Variants in CFAP20DC observed in about 807,000 individuals in gnomAD.
CFAP20DC encodes protein CFAP20DC.
A neutral mutation model predicts 101.7 loss-of-function variants in CFAP20DC; 84 were observed. The observed-to-expected ratio is 0.83, with a 90% CI of 0.69 to 0.99. CFAP20DC has a LOEUF of 0.99. Among genes scored for constraint, CFAP20DC ranks in the 50% least tolerant of loss-of-function variants. The pLI, the probability that CFAP20DC is intolerant of heterozygous loss-of-function variation, is 0.00. For synonymous variants in CFAP20DC, 359 were observed against 351.2 expected (o/e 1.02, Z -0.25); for missense variants, 1,007 against 970.3 (o/e 1.04, Z -0.50).
At chr3:58,939,157 T>C (rs1194706295) in intron 4 of CFAP20DC, among the ~76,000 whole-genome samples, 4 of 152,222 alleles carry the variant, frequency 2.6e-5, no homozygotes, top group Non-Finnish European at 4.4e-5. Flanking sequence ...TGTCTCATTA[T>C]ACAGTAGTAT....
At chr3:58,730,946 T>C (rs1202067060) in intron 3 of CFAP20DC, among the ~76,000 whole-genome samples, 3 of 152,186 alleles carry the variant, frequency 2.0e-5, no homozygotes, top group Non-Finnish European at 4.4e-5. Context: ...CGGATGCCTC[T>C]GTGGTCAAGA....
intron 15 of CFAP20DC, among the ~76,000 whole-genome samples, chr3:58,780,662 G>A (rs939754687): frequency 2.6e-5 from 4 of 152,028 alleles, no homozygotes; most frequent in Admixed American, 6.5e-5. Flanking sequence ...ACACAGAACA[G>A]ATTTTAAGAT....
At chr3:58,791,006 G>C (rs571349614) in intron 15 of CFAP20DC, among the ~76,000 whole-genome samples, 2 of 152,106 alleles carry the variant, frequency 1.3e-5, no homozygotes, top group African/African-American at 2.4e-5. Flanking sequence ...CTATAGAGAA[G>C]CCTACATCAG....
intron 15 of CFAP20DC, among the ~76,000 whole-genome samples, chr3:58,803,191 G>A (rs1231813917): frequency 6.6e-6 from 1 of 152,132 alleles, no homozygotes; most frequent in African/African-American, 2.4e-5. Flanking sequence ...TCACCATCAC[G>A]CTTTCCTCTC....
intron 5 of CFAP20DC, among the ~76,000 whole-genome samples, chr3:58,916,377 C>CT (rs916898590): frequency 3.5e-4 from 54 of 152,122 alleles, no homozygotes; most frequent in East Asian, 1.5e-3. Context: ...TTCAAAAACT[C>CT]TGAGTCCTAA....
chr3:58,988,033 T>C (rs2092809911), intron 4 of CFAP20DC, among the ~76,000 whole-genome samples: 1 of 152,056 alleles, frequency 6.6e-6, no homozygotes, highest in African/African-American at 2.4e-5. Flanking sequence ...AATGAATGTA[T>C]GTGTCTACAA....
At chr3:58,948,642 C>G (rs886538240) in intron 4 of CFAP20DC, among the ~76,000 whole-genome samples, 3 of 152,196 alleles carry the variant, frequency 2.0e-5, no homozygotes, top group Non-Finnish European at 4.4e-5. Flanking sequence ...ATGAAGCCCA[C>G]TTGATCATGG....
downstream of CFAP20DC, chr3:58,737,014 A>G (rs2067772013): frequency 3.3e-6 from 1 of 303,208 alleles, no homozygotes; most frequent in African/African-American, 2.2e-5. This position sits in a 1 kb window ranked among gnomAD's most constrained non-coding sequence, Gnocchi z 4.1. Flanking sequence ...ATGATGAATG[A>G]ACTTTCATTT....
intron 12 of CFAP20DC, among the ~76,000 whole-genome samples, chr3:58,850,634 A>G (rs1261783313): frequency 6.6e-6 from 1 of 151,850 alleles, no homozygotes; most frequent in Admixed American, 6.6e-5. Context: ...CCAACCAACC[A>G]ACCAAACAAA....
In CFAP20DC at chr3:58,831,879, C is replaced by G; in HGVS notation, c.1982G>C (p.Trp661Ser). The G allele has an allele frequency of 6.2e-7, 1 of 1,613,892 alleles. No individual in the cohort carries two copies. The highest frequency in any genetic ancestry group is 8.5e-7 in the Non-Finnish European group (1 of 1,179,880). Residue 661 changes from tryptophan to serine, a missense_variant, in exon 14 of 17, where the codon TGG becomes TCG. Physicochemically the swap from Trp to Ser is radical, Grantham distance 177 (BLOSUM62 -3). Transcript: ENST00000482387. ...CATCTGGCTTGGCTGATAGTTTCGC[C>G]AGTCATATTCCTGACCAAGAGAGAG... ...SSIPEASEYD[W>S]RNYQPSQMSE...
chr3:58,737,319 C>G, downstream of CFAP20DC: 1 of 443,382 alleles, frequency 2.3e-6, no homozygotes, highest in Non-Finnish European at 4.5e-6. This position sits in a 1 kb window ranked among gnomAD's most constrained non-coding sequence, Gnocchi z 4.1. Flanking sequence ...CACACACACA[C>G]ACAGACACAC....
intron 4 of CFAP20DC, among the ~76,000 whole-genome samples, chr3:59,022,323 C>A (rs1329608485): frequency 9.9e-5 from 15 of 151,776 alleles, no homozygotes; most frequent in African/African-American, 3.6e-4. Flanking sequence ...GATGTCATAC[C>A]CCTTTTCTGG....
chr3:58,723,034 GTGA>G (rs1559523778), intron 3 of CFAP20DC, among the ~76,000 whole-genome samples: 3 of 152,226 alleles, frequency 2.0e-5, no homozygotes, highest in Admixed American at 6.5e-5. Flanking sequence ...CGAAATACTA[GTGA>G]TTATTCTTTT....
chr3:59,012,834 G>T (rs907094834), intron 4 of CFAP20DC, among the ~76,000 whole-genome samples: 1 of 152,096 alleles, frequency 6.6e-6, no homozygotes, highest in African/African-American at 2.4e-5. Context: ...TTGCAGTTGC[G>T]ATTGTTATCA....
rs1264881854 is a variant in CFAP20DC at position 58,864,357 on chromosome 3, T to C, written c.1259-465A>G. ...AAAGGAAGGCAATTTATAGACCATC[T>C]TGTAACCTGCTAAACACTCAACCCA... is the stretch of plus-strand genomic sequence containing the variant. On this transcript the variant is annotated intron_variant, in intron 11 of 16. Transcript: ENST00000482387. The surrounding 1 kb of genome is among the most constrained non-coding windows in gnomAD (Gnocchi z 4.7). Among the ~76,000 whole-genome samples the C allele has an allele frequency of 6.6e-6, 1 of 152,214 alleles. No individual in the cohort carries two copies. Among genetic ancestry groups the C allele is most frequent in the Non-Finnish European group, 1.5e-5 (1 of 68,042 alleles).
chr3:58,879,898 A>T (rs1239256536), intron 7 of CFAP20DC, among the ~76,000 whole-genome samples: 2 of 152,122 alleles, frequency 1.3e-5, no homozygotes, highest in African/African-American at 4.8e-5. Context: ...TAAACTAAAA[A>T]GTTGTTTAAT....
At chr3:58,855,656 T>C (rs1158929399) in intron 12 of CFAP20DC, among the ~76,000 whole-genome samples, 2 of 151,920 alleles carry the variant, frequency 1.3e-5, no homozygotes, top group Non-Finnish European at 2.9e-5. Context: ...TATGCAGCCA[T>C]AAAAAATGAT....
rs375106645 is a variant in CFAP20DC at position 58,937,613 on chromosome 3, T to G, written c.393+35A>C. 8 of 1,257,888 alleles carry G rather than the reference T, an allele frequency of 6.4e-6. No homozygotes were observed. The African/African-American group carries it at 8.8e-5, about 14-fold the overall frequency. The allele number at this position is 1,257,888 out of a possible 1,614,324, so 77.9% of individuals were successfully genotyped here. On this transcript the variant is annotated intron_variant, in intron 5 of 16. Transcript: ENST00000482387. ...CATAAGTAATATTTGTTGAATTGAA[T>G]TTAATATTTTAGGCAACATTCATGT...
rs1376736575 is a variant in CFAP20DC, at chr3:58,922,287, C to T, written c.394-8423G>A. On this transcript the variant is annotated intron_variant, in intron 5 of 16. Coordinates refer to ENST00000482387, the MANE Select transcript of CFAP20DC (RefSeq NM_001394063.1). Reference sequence around the variant, plus strand: ...TTCTTTGTTCAGTTCTCTATTCCTACAATCTTTTGGATTGAAAACATTTTT... The same window carrying T: ...TTCTTTGTTCAGTTCTCTATTCCTATAATCTTTTGGATTGAAAACATTTTT... Among the ~76,000 whole-genome samples the T allele has an allele frequency of 2.6e-5, 4 of 152,298 alleles. No individual in the cohort carries two copies. The East Asian group carries it at 7.7e-4, about 29-fold the overall frequency.
Sources: gnomAD v4.1 joint callset for allele counts (sites outside exome capture counted in the v4.1 genomes callset) on GRCh38, gnomAD v4.1.1 for gene constraint, Gnocchi (gnomAD v3.1) non-coding constraint, MANE v1.5 for transcripts, NCBI Gene and HGNC (gene_info 2026-07-23, HGNC 2026-07-21) for gene names.